TIAM1: variants seen among roughly 807,000 people sequenced by gnomAD.
TIAM1 encodes rho guanine nucleotide exchange factor TIAM1.
Under a neutral mutation model 163.5 loss-of-function variants are expected in TIAM1, and 65 were observed. The observed-to-expected ratio is 0.40, with a 90% CI of 0.33 to 0.49. The LOEUF (loss-of-function observed/expected upper bound fraction) is 0.49. TIAM1 is among the 20% of genes least tolerant of loss of function. The pLI is 0.77. For missense variants in TIAM1, 1,789 were observed against 2,044.7 expected, an observed-to-expected ratio of 0.87 and a Z score of 2.41; for synonymous variants, 833 against 810.1, an observed-to-expected ratio of 1.03 and a Z score of -0.48.
intron 1 of TIAM1, among the ~76,000 whole-genome samples, chr21:31,496,068 T>G (rs998544463): frequency 1.3e-5 from 2 of 152,166 alleles, no homozygotes; most frequent in Non-Finnish European, 2.9e-5. Context: ...ACTGCTGGCC[T>G]GCTCCTGTGT....
At chr21:31,166,631 T>C (rs1446789283) in intron 15 of TIAM1, among the ~76,000 whole-genome samples, 2 of 152,266 alleles carry the variant, frequency 1.3e-5, no homozygotes, top group Non-Finnish European at 2.9e-5. Flanking sequence ...TGGATTTTCT[T>C]GTGTTACTTT....
intron 3 of TIAM1, among the ~76,000 whole-genome samples, chr21:31,272,662 C>T (rs1194128184): frequency 6.6e-6 from 1 of 152,068 alleles, no homozygotes; most frequent in Non-Finnish European, 1.5e-5. Flanking sequence ...GTTGAACAAA[C>T]AAAACGAGCC....
intron 1 of TIAM1, among the ~76,000 whole-genome samples, chr21:31,509,787 C>A (rs923143519): frequency 2.0e-5 from 3 of 152,154 alleles, no homozygotes; most frequent in Non-Finnish European, 2.9e-5. Flanking sequence ...CTCAGGGGCG[C>A]CCCCTACCTG....
At chr21:31,553,994 G>A (rs1240405440) in intron 1 of TIAM1, among the ~76,000 whole-genome samples, 5 of 152,166 alleles carry the variant, frequency 3.3e-5, no homozygotes, top group Non-Finnish European at 5.9e-5. Context: ...AGGAAACCAA[G>A]AGCAGGAACT....
chr21:31,485,580 T>C (rs1000317885), intron 1 of TIAM1, among the ~76,000 whole-genome samples: 2 of 152,174 alleles, frequency 1.3e-5, no homozygotes, highest in Admixed American at 6.5e-5. Context: ...ATTCTCTCTG[T>C]TGGACTCCAG....
intron 19 of TIAM1, among the ~76,000 whole-genome samples, chr21:31,149,248 A>T (rs2083274698): frequency 6.6e-6 from 1 of 152,206 alleles, no homozygotes; most frequent in Non-Finnish European, 1.5e-5. Flanking sequence ...GGTATCCTTG[A>T]TCCAAAATAC....
intron 6 of TIAM1, among the ~76,000 whole-genome samples, chr21:31,242,875 A>G (rs1003159272): frequency 2.7e-5 from 4 of 149,782 alleles, no homozygotes; most frequent in African/African-American, 7.3e-5. Context: ...AAAAAAAAAA[A>G]AAAAGAAAAA....
intron 3 of TIAM1, among the ~76,000 whole-genome samples, 164 bp from the exon 4 acceptor site, chr21:31,267,147 G>A (rs149066783): frequency 7.9e-5 from 12 of 152,202 alleles, no homozygotes; most frequent in East Asian, 1.9e-4. Flanking sequence ...GTAGGTTCTC[G>A]GACTCTTACC....
rs1300408795 is a variant in TIAM1 at position 31,154,257 on chromosome 21, G to T, written c.3161C>A (p.Thr1054Asn). Residue 1054 changes from threonine to asparagine, a missense_variant, in exon 17 of 28, where the codon ACC becomes AAC. Transcript: ENST00000541036. The stretch of plus-strand genomic sequence containing the variant: ...AAAAAAGAAACATACCTTCACGTAG[G>T]TGCGCTCCGTCTCCAGGAGCTCGCA... ...VICELLETER[T>N]YVKDLNCLME... The T allele has an allele frequency of 6.2e-7, 1 of 1,613,950 alleles. No individual in the cohort carries two copies. The highest frequency in any genetic ancestry group is 8.5e-7 in the Non-Finnish European group (1 of 1,179,956).
chr21:31,120,931 C>A lies in TIAM1; in HGVS notation c.4307-94G>T. On this transcript the variant is annotated intron_variant, in intron 27 of 27. Coordinates refer to ENST00000541036, the MANE Select transcript of TIAM1 (RefSeq NM_001353694.2). This position sits in a 1 kb window ranked among gnomAD's most constrained non-coding sequence, Gnocchi z 4.2. ...GCAAAGGACAGGAGAAAATAAAAACCAAAACGGTATGCATTGAATGCCTTG... is the reference window on the plus strand; with the variant it reads ...GCAAAGGACAGGAGAAAATAAAAACAAAAACGGTATGCATTGAATGCCTTG... 8.0e-7 allele frequency: 1 copy of A among 1,253,352 alleles called. No homozygotes were observed. The highest frequency in any genetic ancestry group is 2.5e-5 in the East Asian group (1 of 39,428). 77.6% of individuals were successfully genotyped at this position (1,253,352 alleles called of 1,614,324 possible). A position where few individuals can be genotyped will look rare whatever the true frequency, so the allele number is the denominator to read the frequency against.
intron 13 of TIAM1, among the ~76,000 whole-genome samples, chr21:31,190,691 T>C (rs930467816): frequency 2.0e-5 from 3 of 152,178 alleles, no homozygotes; most frequent in Non-Finnish European, 4.4e-5. Flanking sequence ...AGTCTAAGTA[T>C]CATGTAACTG....
intron 2 of TIAM1, among the ~76,000 whole-genome samples, chr21:31,434,851 C>A (rs557828357): frequency 6.6e-6 from 1 of 152,182 alleles, no homozygotes; most frequent in Non-Finnish European, 1.5e-5. Flanking sequence ...TAATGTCCCA[C>A]GGAGACTTTT....
chr21:31,473,014 C>A (rs2045802381), intron 1 of TIAM1, among the ~76,000 whole-genome samples: 1 of 152,164 alleles, frequency 6.6e-6, no homozygotes, highest in Non-Finnish European at 1.5e-5. Flanking sequence ...ACCCTGGTAC[C>A]AAAGATGCAC....
intron 1 of TIAM1, among the ~76,000 whole-genome samples, chr21:31,466,222 G>A (rs10854345): frequency 0.12 from 18,577 of 152,190 alleles, 1,979 homozygotes; most frequent in East Asian, 0.58. Context: ...CAGCAAAGAC[G>A]TCTGGAGATC....
intron 7 of TIAM1, 70 bp downstream of exon 7, chr21:31,225,656 C>T: frequency 9.2e-7 from 1 of 1,082,340 alleles, no homozygotes; most frequent in South Asian, 1.4e-5. Flanking sequence ...TCCAAAACAG[C>T]AAAAAAAAAA....
chr21:31,340,503 G>A (rs543382886), intron 1 of TIAM1, among the ~76,000 whole-genome samples: 5 of 152,184 alleles, frequency 3.3e-5, no homozygotes, highest in East Asian at 3.9e-4. Flanking sequence ...CACCAGCATC[G>A]TCTATCTTCA....
At chr21:31,491,527 G>A (rs2409407) in intron 1 of TIAM1, among the ~76,000 whole-genome samples, 44,021 of 152,010 alleles carry the variant, frequency 0.29, 7,557 homozygotes, top group African/African-American at 0.48. Context: ...ACTTCCTGTC[G>A]GTCACCAACC....
At chr21:31,510,883 T>C (rs2047191301) in intron 1 of TIAM1, among the ~76,000 whole-genome samples, 1 of 151,676 alleles carries the variant, frequency 6.6e-6, no homozygotes, top group Non-Finnish European at 1.5e-5. Flanking sequence ...TTCATTAAGA[T>C]GAGGACATAT....
At chr21:31,258,001 C>A (rs1250170051) in intron 4 of TIAM1, among the ~76,000 whole-genome samples, 1 of 151,566 alleles carries the variant, frequency 6.6e-6, no homozygotes, top group Non-Finnish European at 1.5e-5. Context: ...CTCCCCTCCT[C>A]TCCTTCCAAG....
Sources: gnomAD v4.1 joint callset for allele counts (sites outside exome capture counted in the v4.1 genomes callset) on GRCh38, gnomAD v4.1.1 for gene constraint, Gnocchi (gnomAD v3.1) non-coding constraint, MANE v1.5 for transcripts, NCBI Gene and HGNC (gene_info 2026-07-23, HGNC 2026-07-21) for gene names.